ASIC2: variants seen among roughly 807,000 people sequenced by gnomAD.
ASIC2 encodes acid sensing ion channel subunit 2, also known as acid-sensing ion channel 2.
Under a neutral mutation model 57.3 loss-of-function variants are expected in ASIC2, and 25 were observed. The observed-to-expected ratio is 0.44, with a 90% CI of 0.32 to 0.61. The LOEUF is 0.61. ASIC2 is among the 20% of genes least tolerant of loss of function. ASIC2 has a pLI of 0.06. For missense variants in ASIC2, 641 were observed against 738.1 expected (o/e 0.87, Z 1.52); for synonymous variants, 319 against 307.5 (o/e 1.04, Z -0.39).
At chr17:33,646,502 G>T (rs1047234903) in intron 1 of ASIC2, among the ~76,000 whole-genome samples, 2 of 152,164 alleles carry the variant, frequency 1.3e-5, no homozygotes, top group Non-Finnish European at 2.9e-5. Flanking sequence ...GAAGACGAGT[G>T]TGCTCTTGGG....
At chr17:33,342,015 T>G (rs190176304) in intron 1 of ASIC2, among the ~76,000 whole-genome samples, 28 of 152,310 alleles carry the variant, frequency 1.8e-4, no homozygotes, top group African/African-American at 6.5e-4. Flanking sequence ...CAAGAATAAT[T>G]ACAGAGCAGT....
chr17:33,440,225 C>T (rs1214174685), intron 1 of ASIC2, among the ~76,000 whole-genome samples: 1 of 152,162 alleles, frequency 6.6e-6, no homozygotes, highest in Non-Finnish European at 1.5e-5. Context: ...TCTAGAAATG[C>T]CATACACATG....
chr17:33,222,785 A>G (rs529093197), intron 1 of ASIC2, among the ~76,000 whole-genome samples: 1 of 152,292 alleles, frequency 6.6e-6, no homozygotes, highest in African/African-American at 2.4e-5. Flanking sequence ...GCAAAATACT[A>G]TTCAATGAAA....
At chr17:33,034,910 G>T (rs114298511) in intron 3 of ASIC2, among the ~76,000 whole-genome samples, 1,734 of 152,248 alleles carry the variant, frequency 0.011, 36 homozygotes, top group African/African-American at 0.039. Flanking sequence ...TTCTTCAACT[G>T]TTTTTCTGCC....
At chr17:34,011,024 CAGACA>C (rs1906709706) in intron 1 of ASIC2, among the ~76,000 whole-genome samples, 1 of 2,708 alleles carries the variant, frequency 3.7e-4, no homozygotes, top group African/African-American at 1.1e-3. Flanking sequence ...ATGCCAAAGT[CAGACA>C]CATGCACACA....
intron 1 of ASIC2, among the ~76,000 whole-genome samples, chr17:33,344,199 G>C (rs371007274): frequency 3.3e-5 from 5 of 152,160 alleles, no homozygotes; most frequent in African/African-American, 1.2e-4. Flanking sequence ...GCCCAATACA[G>C]GGTGGATGCT....
At chr17:34,059,016 T>A (rs566584549) in intron 1 of ASIC2, among the ~76,000 whole-genome samples, 1 of 152,276 alleles carries the variant, frequency 6.6e-6, no homozygotes, top group East Asian at 1.9e-4. Context: ...GAGGCAGGAC[T>A]AGATTGCAGC....
intron 1 of ASIC2, among the ~76,000 whole-genome samples, chr17:33,442,442 A>G (rs955543885): frequency 1.1e-4 from 17 of 152,110 alleles, no homozygotes; most frequent in African/African-American, 3.9e-4. Context: ...TTATCTCAGC[A>G]ATGTTTTATA....
chr17:34,000,079 G>A (rs979717555), intron 1 of ASIC2, among the ~76,000 whole-genome samples: 21 of 147,670 alleles, frequency 1.4e-4, no homozygotes, highest in African/African-American at 5.3e-4. Context: ...TCAGTCCTTT[G>A]AATATATCAT....
chr17:33,648,074 T>C (rs548948578), intron 1 of ASIC2, among the ~76,000 whole-genome samples: 2 of 152,298 alleles, frequency 1.3e-5, no homozygotes, highest in Admixed American at 1.3e-4. Flanking sequence ...TTAACTGTCT[T>C]CCTTTCCTTT....
At chr17:33,103,892 G>A (rs1275292424) in intron 2 of ASIC2, among the ~76,000 whole-genome samples, 1 of 152,194 alleles carries the variant, frequency 6.6e-6, no homozygotes, top group Admixed American at 6.5e-5. Flanking sequence ...ATGGGAGGAT[G>A]TGTGGGGGGC....
At chr17:34,135,219 C>T (rs1336930969) in intron 1 of ASIC2, among the ~76,000 whole-genome samples, 1 of 152,230 alleles carries the variant, frequency 6.6e-6, no homozygotes, top group Non-Finnish European at 1.5e-5. Flanking sequence ...TCAGCCTACA[C>T]CAAAAATTGC....
rs188831370 is a variant in ASIC2 at position 33,956,289 on chromosome 17, A to G, written c.555+199689T>C. ...GGGTTCAAAGTCTGAAGTGGGTTGT[A>G]TCTCAAGAATTGACCTGAGAGAGGC... On this transcript the variant is annotated intron_variant, in intron 1 of 9. Coordinates refer to the ASIC2 transcript ENST00000359872. Among the ~76,000 whole-genome samples, 10 of 152,316 alleles carry G rather than the reference A, an allele frequency of 6.6e-5. 1 individual carries two copies. The highest frequency in any genetic ancestry group is 2.4e-4 in the African/African-American group (10 of 41,572).
At chr17:33,400,385 G>T (rs1346056462) in intron 1 of ASIC2, among the ~76,000 whole-genome samples, 1 of 152,176 alleles carries the variant, frequency 6.6e-6, no homozygotes, top group Admixed American at 6.5e-5. Flanking sequence ...GGAAGACCAA[G>T]CAAAAAGAAG....
chr17:33,497,961 A>C (rs774493707), intron 1 of ASIC2, among the ~76,000 whole-genome samples: 1 of 152,228 alleles, frequency 6.6e-6, no homozygotes, highest in Non-Finnish European at 1.5e-5. Context: ...GGGCAATCAC[A>C]GTGGGTGGCT....
intron 1 of ASIC2, among the ~76,000 whole-genome samples, chr17:33,500,367 G>A (rs1464014068): frequency 6.6e-6 from 1 of 152,178 alleles, no homozygotes; most frequent in African/African-American, 2.4e-5. Flanking sequence ...TCCAGAGACA[G>A]CTCAGGAAGT....
At chr17:33,364,297 G>C (rs1908722577) in intron 1 of ASIC2, among the ~76,000 whole-genome samples, 1 of 152,180 alleles carries the variant, frequency 6.6e-6, no homozygotes, top group African/African-American at 2.4e-5. Flanking sequence ...ATTTGTGGTT[G>C]ATGATTCTCT....
At chr17:33,576,610 A>G (rs1038591135) in intron 1 of ASIC2, among the ~76,000 whole-genome samples, 13 of 152,204 alleles carry the variant, frequency 8.5e-5, no homozygotes, top group Non-Finnish European at 1.9e-4. Flanking sequence ...TGGGAATGAT[A>G]CCAGTACCTA....
intron 1 of ASIC2, among the ~76,000 whole-genome samples, chr17:33,748,595 C>T (rs914309067): frequency 7.2e-5 from 11 of 152,312 alleles, no homozygotes; most frequent in African/African-American, 2.6e-4. Context: ...GATACTGCCC[C>T]TCCTGGTCTC....
Sources: allele counts gnomAD v4.1 joint callset (sites outside exome capture counted in the v4.1 genomes callset), GRCh38; gene constraint gnomAD v4.1.1; transcripts MANE v1.5; gene names NCBI Gene and HGNC (gene_info 2026-07-23, HGNC 2026-07-21).